The following CFAP54 variants were observed in gnomAD, a reference collection of about 807,000 sequenced individuals.
The protein encoded by CFAP54 is cilia- and flagella-associated protein 54.
In CFAP54, 290 loss-of-function variants were observed where a neutral mutation model predicts 370.4. The ratio of observed to expected loss-of-function variants is 0.78; its 90% CI spans 0.71 to 0.86. The LOEUF is 0.86. Among genes scored for constraint, CFAP54 ranks in the 40% least tolerant of loss-of-function variants. The pLI is 0.00. For synonymous variants in CFAP54, 1,206 were observed against 1,236.5 expected (o/e 0.98, Z 0.52); for missense variants, 3,399 against 3,528.7 (o/e 0.96, Z 0.93).
intron 61 of CFAP54, 151 bp from the exon 62 acceptor site, chr12:96,786,524 G>A (rs777693179): frequency 1.6e-5 from 10 of 623,008 alleles, no homozygotes; most frequent in Non-Finnish European, 2.5e-5. Flanking sequence ...TTCCATTAGT[G>A]TATAAGCTCT....
Position 96,489,896 on chromosome 12 carries a change from A to G in CFAP54, c.287A>G (p.Glu96Gly), listed in dbSNP as rs1183607428. The G allele has an allele frequency of 6.5e-7, 1 of 1,533,396 alleles. No homozygotes were observed. The highest frequency in any genetic ancestry group is 2.4e-5 in the East Asian group (1 of 40,864). The allele number at this position is 1,533,396 out of a possible 1,614,324, so 95.0% of individuals were successfully genotyped here. ...AAAAAGAAGGCTTTAGCCACCACGG[A>G]GGAAGAGAAGCACGAATTCCGCCGG... The part of the protein sequence containing the change: ...MRKKKALATT[E>G]EEKHEFRRRC... Residue 96 changes from glutamate (E) to glycine (G), a missense_variant, in exon 1 of 68, where the codon GAG becomes GGG. By Grantham distance (98) the Glu-to-Gly change is moderately conservative. Around this residue, in one of 3 missense-constraint regions of CFAP54, gnomAD observed 559 missense variants for 576.7 expected, o/e 0.97. Coordinates refer to ENST00000524981, the MANE Select transcript of CFAP54 (RefSeq NM_001306084.2).
chr12:96,566,753 A>G (rs1955868657), intron 19 of CFAP54, among the ~76,000 whole-genome samples: 1 of 152,204 alleles, frequency 6.6e-6, no homozygotes, highest in Admixed American at 6.5e-5. Flanking sequence ...TTATCTGTCA[A>G]TCTATTCATC....
At chr12:96,631,269 CTA>C (rs1231513788) in intron 32 of CFAP54, among the ~76,000 whole-genome samples, 4 of 151,770 alleles carry the variant, frequency 2.6e-5, no homozygotes, top group Admixed American at 2.0e-4. Flanking sequence ...AATATAACAA[CTA>C]TGCAACTTAA....
chr12:96,651,187 A>C (rs1432100676), intron 35 of CFAP54, among the ~76,000 whole-genome samples: 1 of 152,100 alleles, frequency 6.6e-6, no homozygotes, highest in Non-Finnish European at 1.5e-5. Context: ...TCTTTATAAA[A>C]CTTCTTATTG....
intron 2 of CFAP54, among the ~76,000 whole-genome samples, chr12:96,503,445 C>T (rs1218651460): frequency 4.4e-5 from 6 of 137,494 alleles, no homozygotes; most frequent in Non-Finnish European, 7.8e-5. Context: ...TCTTTCCTTC[C>T]TTCCTTTGTT....
rs192732141 is a variant in CFAP54 at position 96,679,104 on chromosome 12, A to G, written c.5564-496A>G. ...CTTTTCAGGACAGTTAGTTAGTTCT[A>G]TACCCACTCCTGGGTCCCCCTCTTC... On this transcript the variant is annotated intron_variant, in intron 39 of 67. Transcript: ENST00000524981. Among the ~76,000 whole-genome samples the G allele has an allele frequency of 2.4e-3, 360 of 152,234 alleles. 1 individual carries two copies. The highest frequency in any genetic ancestry group is 0.01 in the Middle Eastern group (3 of 294).
chr12:96,589,871 C>T (rs530283153), intron 23 of CFAP54, among the ~76,000 whole-genome samples: 21 of 152,072 alleles, frequency 1.4e-4, no homozygotes, highest in South Asian at 1.2e-3. Context: ...CTCAGCCTCC[C>T]GAGTAGCTGG....
At chr12:96,695,624 G>A (rs1450400163) in intron 45 of CFAP54, among the ~76,000 whole-genome samples, 1 of 152,088 alleles carries the variant, frequency 6.6e-6, no homozygotes, top group Non-Finnish European at 1.5e-5. Context: ...TTGAGGCTAG[G>A]ATCTGTATCT....
At chr12:96,729,821 G>A (rs1565957091) in intron 50 of CFAP54, among the ~76,000 whole-genome samples, 1 of 152,170 alleles carries the variant, frequency 6.6e-6, no homozygotes. Context: ...TTCCTATTTG[G>A]CCATCTTGGC....
At chr12:96,714,278 C>T (rs1233581033) in intron 48 of CFAP54, among the ~76,000 whole-genome samples, 4 of 152,166 alleles carry the variant, frequency 2.6e-5, no homozygotes, top group African/African-American at 9.7e-5. Flanking sequence ...CAGAAGTTCA[C>T]TTTGAGGCAT....
At chr12:96,746,314 A>G (rs1460458074) in intron 55 of CFAP54, among the ~76,000 whole-genome samples, 1 of 152,188 alleles carries the variant, frequency 6.6e-6, no homozygotes, top group African/African-American at 2.4e-5. Context: ...ACATCCTTCC[A>G]GCCAGACTCC....
At chr12:96,789,445 C>T (rs1958662733) in intron 62 of CFAP54, among the ~76,000 whole-genome samples, 1 of 152,184 alleles carries the variant, frequency 6.6e-6, no homozygotes, top group African/African-American at 2.4e-5. Context: ...TTGAGGATTA[C>T]TGCCAGGTGT....
Position 96,625,704 on chromosome 12 carries a change from T to G in CFAP54, c.3887-14T>G. The G allele has an allele frequency of 6.6e-7, 1 of 1,515,428 alleles. No homozygotes were observed. Among genetic ancestry groups the G allele is most frequent in the Non-Finnish European group, 8.8e-7 (1 of 1,133,890 alleles). The allele number at this position is 1,515,428 out of a possible 1,614,324, so 93.9% of individuals were successfully genotyped here. A position where few individuals can be genotyped will look rare whatever the true frequency, so the allele number is the denominator to read the frequency against. ...CTAAACAGAACATACAACTTTTGAA[T>G]TTTTTAACCTTAGATGTTACATCTG... On this transcript the variant is annotated splice_polypyrimidine_tract_variant and intron_variant, in intron 28 of 67. Coordinates refer to ENST00000524981, the MANE Select transcript of CFAP54 (RefSeq NM_001306084.2).
At chr12:96,618,629 A>T (rs1408821607) in intron 26 of CFAP54, among the ~76,000 whole-genome samples, 1 of 152,036 alleles carries the variant, frequency 6.6e-6, no homozygotes, top group Non-Finnish European at 1.5e-5. Flanking sequence ...TTGGGCCGCC[A>T]CTGAAGAAGA....
At chr12:96,503,080 TTC>T (rs138111630) in intron 2 of CFAP54, among the ~76,000 whole-genome samples, 9 of 138,004 alleles carry the variant, frequency 6.5e-5, no homozygotes, top group South Asian at 2.3e-4. Context: ...CTTTCTTTCT[TTC>T]TCTTTCTTTC....
chr12:96,666,842 T>C (rs1279655292), intron 39 of CFAP54, among the ~76,000 whole-genome samples: 1 of 152,206 alleles, frequency 6.6e-6, no homozygotes, highest in Non-Finnish European at 1.5e-5. Context: ...AAGTTTTAAC[T>C]TATTTCAGAA....
At chr12:96,861,916 A>T (rs1959889034) in intron 67 of CFAP54, among the ~76,000 whole-genome samples, 1 of 152,154 alleles carries the variant, frequency 6.6e-6, no homozygotes, top group Admixed American at 6.6e-5. Flanking sequence ...GTGAATGAAT[A>T]CTCATGGTTT....
At chr12:96,658,664 C>T (rs143550363) in intron 38 of CFAP54, among the ~76,000 whole-genome samples, 76 of 152,008 alleles carry the variant, frequency 5.0e-4, no homozygotes, top group African/African-American at 1.7e-3. Context: ...CTCACTCTGT[C>T]ACCCAGGCTG....
chr12:96,633,405 C>T (rs1002217189), intron 32 of CFAP54, among the ~76,000 whole-genome samples: 3 of 152,124 alleles, frequency 2.0e-5, no homozygotes, highest in Admixed American at 2.0e-4. Flanking sequence ...ATATCACAAC[C>T]AGGAAATTGA....
Sources: allele counts gnomAD v4.1 joint callset (sites outside exome capture counted in the v4.1 genomes callset), GRCh38; gene constraint gnomAD v4.1.1; regional missense constraint gnomAD v4.1.1; transcripts MANE v1.5; gene names NCBI Gene and HGNC (gene_info 2026-07-23, HGNC 2026-07-21).